The following BCAT1 variants were observed in gnomAD, a reference collection of about 807,000 sequenced individuals.
The protein encoded by BCAT1 is branched chain amino acid transaminase 1.
Under a neutral mutation model 52.4 loss-of-function variants are expected in BCAT1, and 48 were observed. The observed-to-expected ratio is 0.92, with a 90% confidence interval of 0.73 to 1.16. The LOEUF (loss-of-function observed/expected upper bound fraction) is 1.16. BCAT1 is among the 50% of genes most tolerant of loss of function. BCAT1 has a pLI of 0.00. For synonymous variants in BCAT1, 167 were observed against 161.3 expected (o/e 1.04, Z -0.27); for missense variants, 451 against 457.1 (o/e 0.99, Z 0.12).
chr12:24,902,024 C>A, intron 1 of BCAT1, 139 bp from the exon 2 acceptor site: 1 of 1,573,046 alleles, frequency 6.4e-7, no homozygotes, highest in East Asian at 2.3e-5. Flanking sequence ...CTCAGACAAC[C>A]AAGCACCCAG....
At chr12:24,891,693 T>C (rs1229551860) in intron 3 of BCAT1, among the ~76,000 whole-genome samples, 6 of 152,048 alleles carry the variant, frequency 3.9e-5, no homozygotes, top group African/African-American at 7.2e-5. Flanking sequence ...AAAATCTAAA[T>C]TGGCAAAACC....
intron 10 of BCAT1, among the ~76,000 whole-genome samples, chr12:24,824,423 T>G (rs1940296739): frequency 6.6e-6 from 1 of 152,040 alleles, no homozygotes; most frequent in Non-Finnish European, 1.5e-5. Context: ...CTCAGCCTCC[T>G]GAGTAGCTGG....
At chr12:24,853,454 G>C (rs2220271) in intron 5 of BCAT1, among the ~76,000 whole-genome samples, 20,230 of 152,150 alleles carry the variant, frequency 0.13, 1,353 homozygotes, top group East Asian at 0.17. Context: ...TCCAAAAGAG[G>C]GGGAGGGGAA....
chr12:24,844,246 G>C lies in BCAT1; in HGVS notation c.675-2022C>G, dbSNP rs575961091. Among the ~76,000 whole-genome samples, 23 of 151,758 alleles carry C rather than the reference G, an allele frequency of 1.5e-4. No individual in the cohort carries two copies. In the East Asian group the frequency reaches 2.7e-3, roughly 18 times the overall value. ...AGTTTGAGACCATCCTGACCAACAT[G>C]GAGAAACCCCGTCTCTACTAAAAAT... On this transcript the variant is annotated intron_variant, in intron 6 of 10. Coordinates refer to ENST00000261192, the MANE Select transcript of BCAT1 (RefSeq NM_005504.7).
chr12:24,835,587 ATTTAT>A (rs1311546080), intron 8 of BCAT1, among the ~76,000 whole-genome samples: 2 of 122,308 alleles, frequency 1.6e-5, no homozygotes, highest in African/African-American at 5.3e-5. Flanking sequence ...TTATTTATTT[ATTTAT>A]TTAATTTACT....
intron 1 of BCAT1, among the ~76,000 whole-genome samples, chr12:24,933,925 GGT>G (rs1943716142): frequency 6.6e-6 from 1 of 152,036 alleles, no homozygotes; most frequent in South Asian, 2.1e-4. Context: ...TGGGAAGGCT[GGT>G]CACCCCACCC....
At chr12:24,833,334 C>T (rs1297159169) in intron 8 of BCAT1, among the ~76,000 whole-genome samples, 2 of 152,102 alleles carry the variant, frequency 1.3e-5, no homozygotes, top group East Asian at 3.9e-4. Context: ...GCCTGGCCAA[C>T]CTGGTAAAAC....
chr12:24,847,563 T>G (rs898688617), intron 6 of BCAT1, among the ~76,000 whole-genome samples: 1 of 152,036 alleles, frequency 6.6e-6, no homozygotes, highest in African/African-American at 2.4e-5. Flanking sequence ...CTAAGAGAGA[T>G]AATTTGTGTG....
intron 1 of BCAT1, among the ~76,000 whole-genome samples, chr12:24,922,678 C>A (rs539821564): frequency 6.6e-6 from 1 of 152,214 alleles, no homozygotes; most frequent in South Asian, 2.1e-4. Flanking sequence ...CAAGACCATC[C>A]TGGCCAACAT....
intron 1 of BCAT1, among the ~76,000 whole-genome samples, chr12:24,929,869 A>C (rs1943652549): frequency 6.6e-6 from 1 of 152,060 alleles, no homozygotes; most frequent in South Asian, 2.1e-4. Flanking sequence ...GCACAAAATA[A>C]ATTTATGTCT....
intron 2 of BCAT1, among the ~76,000 whole-genome samples, chr12:24,899,199 G>T (rs924224018): frequency 5.3e-5 from 8 of 152,178 alleles, no homozygotes; most frequent in Non-Finnish European, 1.0e-4. Context: ...CTGCAAAACT[G>T]CATCCTCATG....
chr12:24,947,993 T>C (rs1460253490), intron 1 of BCAT1, among the ~76,000 whole-genome samples: 1 of 152,258 alleles, frequency 6.6e-6, no homozygotes, highest in Non-Finnish European at 1.5e-5. Context: ...ATATTATTTC[T>C]TCTAAGTGAA....
chr12:24,903,192 T>C (rs913701349), intron 1 of BCAT1: 1 of 1,133,498 alleles, frequency 8.8e-7, no homozygotes. Context: ...TCCAACCGTC[T>C]CGTCCCAGTC....
At chr12:24,881,825 C>T (rs1200193376) in intron 3 of BCAT1, among the ~76,000 whole-genome samples, 2 of 152,182 alleles carry the variant, frequency 1.3e-5, no homozygotes, top group East Asian at 3.9e-4. Context: ...TTCATGTAAT[C>T]TGGTTCATTT....
intron 5 of BCAT1, among the ~76,000 whole-genome samples, chr12:24,874,264 A>G (rs1474600963): frequency 1.3e-5 from 2 of 152,220 alleles, no homozygotes; most frequent in African/African-American, 4.8e-5. Flanking sequence ...CAATGAGCCA[A>G]GATTGCACCA....
intron 3 of BCAT1, among the ~76,000 whole-genome samples, chr12:24,887,959 T>A (rs1045913079): frequency 6.6e-6 from 1 of 152,206 alleles, no homozygotes; most frequent in African/African-American, 2.4e-5. Context: ...ATAGGTCCGA[T>A]GAGTGAAGGA....
chr12:24,926,258 G>T (rs577186517), intron 1 of BCAT1, among the ~76,000 whole-genome samples: 31 of 152,232 alleles, frequency 2.0e-4, no homozygotes, highest in African/African-American at 7.2e-4. Flanking sequence ...GAGAAGTGAG[G>T]AGCCCCTCCA....
intron 10 of BCAT1, among the ~76,000 whole-genome samples, chr12:24,827,863 A>T (rs1439846895): frequency 6.6e-6 from 1 of 152,200 alleles, no homozygotes; most frequent in Non-Finnish European, 1.5e-5. Context: ...AAACTTGCTG[A>T]GTAAGTCTCT....
chr12:24,829,015 ATAAG>A (rs546824959), intron 10 of BCAT1, among the ~76,000 whole-genome samples: 79 of 123,326 alleles, frequency 6.4e-4, no homozygotes, highest in African/African-American at 2.3e-3. Context: ...TCAAAAATAA[ATAAG>A]TAAATAAATA....
Sources: gnomAD v4.1 joint callset for allele counts (sites outside exome capture counted in the v4.1 genomes callset) on GRCh38, gnomAD v4.1.1 for gene constraint, MANE v1.5 for transcripts, NCBI Gene and HGNC (gene_info 2026-07-23, HGNC 2026-07-21) for gene names.